Variants in TRAPPC9 observed in about 807,000 individuals in gnomAD.
TRAPPC9 encodes the protein trafficking protein particle complex subunit 9.
TRAPPC9 carries 83 observed loss-of-function variants against 124.0 expected under a neutral mutation model. The observed-to-expected ratio is 0.67, with a 90% CI of 0.56 to 0.80. TRAPPC9 has a LOEUF of 0.80. Ranked by LOEUF, TRAPPC9 falls within the 30% of genes least tolerant of loss-of-function variation. The pLI is 0.00. For synonymous variants in TRAPPC9, 638 were observed against 617.5 expected, an observed-to-expected ratio of 1.03 and a Z score of -0.49; for missense variants, 1,302 against 1,508.3, an observed-to-expected ratio of 0.86 and a Z score of 2.27.
intron 18 of TRAPPC9, among the ~76,000 whole-genome samples, chr8:140,016,586 G>A (rs748902053): frequency 6.6e-6 from 1 of 152,220 alleles, no homozygotes; most frequent in South Asian, 2.1e-4. Flanking sequence ...GACCAGCATC[G>A]TAACTTTGTG....
intron 17 of TRAPPC9, among the ~76,000 whole-genome samples, chr8:140,145,159 A>G (rs1587803070): frequency 6.6e-6 from 1 of 152,272 alleles, no homozygotes; most frequent in Middle Eastern, 3.4e-3. Context: ...TACAGGCATA[A>G]GCCACTGCGC....
At chr8:139,933,272 G>C (rs1833309568) in intron 19 of TRAPPC9, 1 of 152,288 alleles carries the variant, frequency 6.6e-6, no homozygotes. Context: ...AAGGAATAGA[G>C]CCTAATTAGC....
At chr8:140,225,250 C>T (rs1285044599) in intron 16 of TRAPPC9, among the ~76,000 whole-genome samples, 3 of 152,168 alleles carry the variant, frequency 2.0e-5, no homozygotes, top group African/African-American at 7.2e-5. Context: ...CTGATGCAGG[C>T]TCTAACAAAT....
At chr8:140,032,373 C>T (rs1312570548) in intron 17 of TRAPPC9, among the ~76,000 whole-genome samples, 2 of 152,080 alleles carry the variant, frequency 1.3e-5, no homozygotes, top group Admixed American at 1.3e-4. Flanking sequence ...TTTATTTACA[C>T]AGAAACAAGA....
chr8:139,869,463 ACAAGATCACT>A (rs1212064467), intron 21 of TRAPPC9, among the ~76,000 whole-genome samples: 1 of 152,210 alleles, frequency 6.6e-6, no homozygotes, highest in African/African-American at 2.4e-5. Context: ...TCACATCAAT[ACAAGATCACT>A]CATGGTGCAA....
chr8:140,424,060 G>A (rs2132538659), intron 5 of TRAPPC9, among the ~76,000 whole-genome samples: 1 of 152,088 alleles, frequency 6.6e-6, no homozygotes, highest in East Asian at 1.9e-4. Flanking sequence ...TTGTGGTGAG[G>A]GTTGCACAAC....
At chr8:139,781,769 A>T (rs1276649431) in intron 21 of TRAPPC9, among the ~76,000 whole-genome samples, 1 of 152,142 alleles carries the variant, frequency 6.6e-6, no homozygotes, top group African/African-American at 2.4e-5. Flanking sequence ...GGAACTCTGT[A>T]CTTTCTACTC....
At chr8:140,458,474 G>A (rs1297489863), upstream of TRAPPC9, 6 of 1,571,884 alleles carry the variant, frequency 3.8e-6, no homozygotes, top group African/African-American at 2.7e-5. Flanking sequence ...CTCCAGGATC[G>A]CAGGGCCCGG....
chr8:139,790,881 A>G (rs1378868548), intron 21 of TRAPPC9, among the ~76,000 whole-genome samples: 1 of 152,094 alleles, frequency 6.6e-6, no homozygotes. Flanking sequence ...TGTCCTTGCG[A>G]TAGTGAGTGA....
chr8:139,999,195 CA>C (rs201460981), intron 18 of TRAPPC9, among the ~76,000 whole-genome samples: 13 of 148,282 alleles, frequency 8.8e-5, no homozygotes, highest in African/African-American at 3.0e-4. Context: ...TACGTTTAAA[CA>C]AAAAAAAACA....
chr8:140,258,379 T>C (rs913534425), intron 15 of TRAPPC9, among the ~76,000 whole-genome samples: 1 of 152,278 alleles, frequency 6.6e-6, no homozygotes, highest in African/African-American at 2.4e-5. Context: ...CTTCTTCCTC[T>C]ATAATAATCT....
chr8:139,769,392 A>G (rs573174393), intron 21 of TRAPPC9, among the ~76,000 whole-genome samples: 89 of 152,258 alleles, frequency 5.8e-4, no homozygotes, highest in Non-Finnish European at 8.8e-4. Context: ...TAGGTGGCTC[A>G]GGGTGGGGAA....
intron 2 of TRAPPC9, among the ~76,000 whole-genome samples, chr8:140,444,687 C>A (rs1057459207): frequency 2.0e-5 from 3 of 151,372 alleles, no homozygotes; most frequent in East Asian, 1.9e-4. Context: ...ATGGTGAGAC[C>A]CCCCCCATCT....
At chr8:139,971,810 TATATATAC>T (rs1836114679) in intron 19 of TRAPPC9, among the ~76,000 whole-genome samples, 6 of 135,872 alleles carry the variant, frequency 4.4e-5, no homozygotes, top group African/African-American at 1.7e-4. Context: ...TATACATATA[TATATATAC>T]ACACACACAC....
intron 17 of TRAPPC9, among the ~76,000 whole-genome samples, chr8:140,165,448 A>G (rs1449301572): frequency 1.3e-5 from 2 of 151,640 alleles, no homozygotes; most frequent in Middle Eastern, 3.2e-3. Flanking sequence ...TTGAGGCAGG[A>G]GAATCACTTG....
rs973347800 is a variant in TRAPPC9, at chr8:140,011,243, G to T, written c.2699+12694C>A. Among the ~76,000 whole-genome samples the T allele has an allele frequency of 5.3e-5, 8 of 152,100 alleles. No homozygotes were observed. The East Asian group carries it at 1.6e-3, about 30-fold the overall frequency. Reference sequence around the variant, plus strand: ...TGTAATCCCAGCTACATGGGAGACTGAGGCAGGAGAATCACTTGAACCCAG... The same window carrying T: ...TGTAATCCCAGCTACATGGGAGACTTAGGCAGGAGAATCACTTGAACCCAG... On this transcript the variant is annotated intron_variant, in intron 18 of 22. Coordinates refer to ENST00000438773, the MANE Select transcript of TRAPPC9 (RefSeq NM_001160372.4).
At chr8:139,890,737 T>C (rs1830286722) in intron 20 of TRAPPC9, among the ~76,000 whole-genome samples, 1 of 152,152 alleles carries the variant, frequency 6.6e-6, no homozygotes, top group African/African-American at 2.4e-5. Context: ...TTAGAAAATA[T>C]CTGTGGCTAG....
chr8:139,801,029 C>G, intron 21 of TRAPPC9, among the ~76,000 whole-genome samples: 1 of 148,512 alleles, frequency 6.7e-6, no homozygotes. Context: ...TCCCTCCCTC[C>G]GGTACCTTCC....
intron 21 of TRAPPC9, among the ~76,000 whole-genome samples, chr8:139,804,439 TCACCACCACTCACCAC>T (rs1302934785): frequency 6.7e-5 from 1 of 14,906 alleles, no homozygotes; most frequent in Non-Finnish European, 1.3e-4. Flanking sequence ...CCAAGCACCA[TCACCACCACTCACCAC>T]CACCACCACT....
Sources: allele counts gnomAD v4.1 joint callset (sites outside exome capture counted in the v4.1 genomes callset), GRCh38; gene constraint gnomAD v4.1.1; transcripts MANE v1.5; gene names NCBI Gene and HGNC (gene_info 2026-07-23, HGNC 2026-07-21).